The following GRM5 variants were observed in gnomAD, a reference collection of about 807,000 sequenced individuals.
GRM5 encodes glutamate metabotropic receptor 5, also known as metabotropic glutamate receptor 5.
Under a neutral mutation model 83.1 loss-of-function variants are expected in GRM5, and 19 were observed. That is an observed-to-expected ratio of 0.23 (90% CI 0.16 to 0.34). The LOEUF (loss-of-function observed/expected upper bound fraction) is 0.34, where lower values mean the gene tolerates loss of function less well. Ranked by LOEUF, GRM5 falls within the 10% of genes least tolerant of loss-of-function variation. The pLI is 1.00. For synonymous variants in GRM5, 675 were observed against 633.6 expected (o/e 1.07, Z -0.98); for missense variants, 1,160 against 1,588.3 (o/e 0.73, Z 4.58).
chr11:88,945,130 A>G (rs965518521), intron 2 of GRM5, among the ~76,000 whole-genome samples: 2 of 58,406 alleles, frequency 3.4e-5, no homozygotes, highest in African/African-American at 1.2e-4. Context: ...ACACACACAT[A>G]CACACACACA....
intron 2 of GRM5, among the ~76,000 whole-genome samples, chr11:88,881,904 G>A (rs1030933775): frequency 5.3e-5 from 8 of 149,740 alleles, no homozygotes; most frequent in African/African-American, 2.0e-4. Context: ...CTGAGGCTTT[G>A]GAGTTCTTAG....
chr11:88,847,467 A>G (rs906153158), intron 3 of GRM5, among the ~76,000 whole-genome samples: 3 of 152,218 alleles, frequency 2.0e-5, no homozygotes, highest in African/African-American at 4.8e-5. Context: ...GGTTTTATTA[A>G]CACCCACAGT....
intron 3 of GRM5, among the ~76,000 whole-genome samples, chr11:88,842,006 G>A (rs1414399891): frequency 1.3e-5 from 2 of 152,084 alleles, no homozygotes; most frequent in African/African-American, 2.4e-5. Context: ...AGTACAACAT[G>A]TACTGCAGTT....
intron 2 of GRM5, among the ~76,000 whole-genome samples, chr11:88,954,842 G>T (rs536731513): frequency 6.6e-6 from 1 of 152,262 alleles, no homozygotes; most frequent in Non-Finnish European, 1.5e-5. Context: ...CTGGTGGTAG[G>T]CATGGTACAT....
chr11:89,060,502 C>T (rs1941970010), intron 1 of GRM5, among the ~76,000 whole-genome samples: 1 of 151,868 alleles, frequency 6.6e-6, no homozygotes, highest in Non-Finnish European at 1.5e-5. Context: ...AAAGGAAAAA[C>T]AAATAATGCC....
chr11:88,918,426 T>TAAA (rs1027881726), intron 2 of GRM5, among the ~76,000 whole-genome samples: 1 of 151,662 alleles, frequency 6.6e-6, no homozygotes, highest in Non-Finnish European at 1.5e-5. Context: ...AAACTTAAAG[T>TAAA]ATAATAATAA....
intron 3 of GRM5, among the ~76,000 whole-genome samples, chr11:88,824,992 T>C (rs578101127): frequency 6.6e-6 from 1 of 152,352 alleles, no homozygotes; most frequent in South Asian, 2.1e-4. Flanking sequence ...ATTTTAGATA[T>C]ATAACACAGA....
intron 2 of GRM5, among the ~76,000 whole-genome samples, chr11:89,006,104 AG>A (rs1309783911): frequency 6.6e-6 from 1 of 152,222 alleles, no homozygotes; most frequent in East Asian, 1.9e-4. Context: ...ACATGTAAAA[AG>A]CACAGTGTTG....
intron 2 of GRM5, among the ~76,000 whole-genome samples, chr11:88,980,640 G>A (rs576847286): frequency 1.8e-4 from 28 of 152,110 alleles, no homozygotes; most frequent in African/African-American, 6.7e-4. Flanking sequence ...GGCTAACATG[G>A]TGAGCCCCCG....
chr11:88,803,529 A>G (rs1452866155), intron 3 of GRM5, among the ~76,000 whole-genome samples: 3 of 152,200 alleles, frequency 2.0e-5, no homozygotes, highest in Non-Finnish European at 4.4e-5. Flanking sequence ...TTATACAAAA[A>G]TTAATTCAAG....
At chr11:88,733,573 T>C (rs1941850754) in intron 3 of GRM5, among the ~76,000 whole-genome samples, 1 of 151,992 alleles carries the variant, frequency 6.6e-6, no homozygotes, top group Admixed American at 6.6e-5. Flanking sequence ...AGATTTTCTG[T>C]TTTCAGAAAT....
chr11:88,519,105 G>A (rs16914129), intron 9 of GRM5, among the ~76,000 whole-genome samples: 23,397 of 150,470 alleles, frequency 0.16, 2,060 homozygotes, highest in African/African-American at 0.21. Context: ...AAGACTTTTA[G>A]ACACATCAAG....
chr11:89,056,241 T>C (rs555750176), intron 1 of GRM5, among the ~76,000 whole-genome samples: 1 of 152,286 alleles, frequency 6.6e-6, no homozygotes, highest in Admixed American at 6.5e-5. Flanking sequence ...AAAGATGATA[T>C]CAACTTCACT....
chr11:88,997,442 TAATA>T (rs1437556328), intron 2 of GRM5, among the ~76,000 whole-genome samples: 3 of 128,012 alleles, frequency 2.3e-5, no homozygotes, highest in South Asian at 2.5e-4. Flanking sequence ...AGAAAGAAAA[TAATA>T]AATATAATAA....
At chr11:88,566,502 C>T (rs541516279) in intron 8 of GRM5, among the ~76,000 whole-genome samples, 1 of 152,248 alleles carries the variant, frequency 6.6e-6, no homozygotes, top group African/African-American at 2.4e-5. Context: ...GCTTAGACAT[C>T]TCCTAAAGAT....
At chr11:89,020,454 T>C (rs1940954646) in intron 2 of GRM5, among the ~76,000 whole-genome samples, 1 of 152,194 alleles carries the variant, frequency 6.6e-6, no homozygotes, top group South Asian at 2.1e-4. Context: ...ACAGTAGAAT[T>C]TAGTGATAGA....
rs527391495 is a variant in GRM5, at chr11:88,860,339, A to G, written c.662-10184T>C. Among the ~76,000 whole-genome samples, 8 of 152,298 alleles carry G rather than the reference A, an allele frequency of 5.3e-5. No individual in the cohort carries two copies. The East Asian group carries it at 1.5e-3, about 29-fold the overall frequency. On this transcript the variant is annotated intron_variant, in intron 2 of 9. Coordinates refer to ENST00000305447, the MANE Select transcript of GRM5 (RefSeq NM_001143831.3). ...GCTTTCTTTGTAAGCTGTCAAATTC[A>G]CAGCTGAAGACTTCGGTGCATGTCT...
chr11:88,976,786 T>C (rs1342843572), intron 2 of GRM5, among the ~76,000 whole-genome samples: 2 of 152,132 alleles, frequency 1.3e-5, no homozygotes, highest in Non-Finnish European at 2.9e-5. Context: ...AATTGTTTTT[T>C]CAGAGATAAA....
At chr11:89,056,305 C>T (rs1254263602) in intron 1 of GRM5, among the ~76,000 whole-genome samples, 5 of 152,138 alleles carry the variant, frequency 3.3e-5, no homozygotes. Context: ...AATATTCTTT[C>T]TGTGAGGATC....
Sources: allele counts gnomAD v4.1 joint callset (sites outside exome capture counted in the v4.1 genomes callset), GRCh38; gene constraint gnomAD v4.1.1; transcripts MANE v1.5; gene names NCBI Gene and HGNC (gene_info 2026-07-23, HGNC 2026-07-21).